The following VGLL4 variants were observed in gnomAD, a reference collection of about 807,000 sequenced individuals.
The protein encoded by VGLL4 is vestigial like family member 4.
In VGLL4, 7 loss-of-function variants were observed where a neutral mutation model predicts 21.0. That is an observed-to-expected ratio of 0.33 (90% CI 0.19 to 0.63). VGLL4 has a LOEUF of 0.63. Among genes scored for constraint, VGLL4 ranks in the 20% least tolerant of loss-of-function variants. The pLI, the probability that VGLL4 is intolerant of heterozygous loss-of-function variation, is 0.78. For missense variants in VGLL4, 394 were observed against 425.7 expected (o/e 0.93, Z 0.66); for synonymous variants, 222 against 173.2 (o/e 1.28, Z -2.21).
intron 3 of VGLL4, among the ~76,000 whole-genome samples, chr3:11,561,370 A>G (rs995448098): frequency 1.3e-5 from 2 of 152,154 alleles, no homozygotes; most frequent in Non-Finnish European, 2.9e-5. Flanking sequence ...AGGCTGGCTG[A>G]CTGGTATCAG....
At chr3:11,569,595 A>G (rs984867085) in intron 2 of VGLL4, among the ~76,000 whole-genome samples, 1 of 152,232 alleles carries the variant, frequency 6.6e-6, no homozygotes, top group Non-Finnish European at 1.5e-5. Flanking sequence ...AGGGCCAGTG[A>G]GTGGGCCGGG....
In VGLL4 at chr3:11,658,625, G is replaced by A. The variant is rs377068512; in HGVS notation, c.64+44346C>T. Among the ~76,000 whole-genome samples, 86 of 151,842 alleles carry A rather than the reference G, an allele frequency of 5.7e-4. 5 individuals carry two copies. The highest frequency in any genetic ancestry group is 2.0e-3 in the African/African-American group (82 of 41,320). On this transcript the variant is annotated intron_variant, in intron 2 of 5. Transcript: ENST00000273038. ...AGGACACAGAGGAAACAGAATACGCGAACTATTCCTGGATCTTTCCTTTTA... is the reference window on the plus strand; with the variant it reads ...AGGACACAGAGGAAACAGAATACGCAAACTATTCCTGGATCTTTCCTTTTA...
rs2076967164 is a variant in VGLL4, at chr3:11,719,716, G to C, written c.-14+678C>G. ...CGCCCTCGGTCACGCCCCTCACGGA[G>C]CAGGTGGGGGCTGAGCCAGGTGAGC... On this transcript the variant is annotated intron_variant, in intron 1 of 5. Transcript: ENST00000273038. The surrounding 1 kb of genome is among the most constrained non-coding windows in gnomAD (Gnocchi z 4.0). 1.8e-5 allele frequency: 1 copy of C among 55,634 alleles called. No individual in the cohort carries two copies. Among genetic ancestry groups the C allele is most frequent in the Non-Finnish European group, 3.4e-5 (1 of 29,472 alleles). The allele number at this position is 55,634 out of a possible 1,614,324, so 3.4% of individuals were successfully genotyped here. A position where few individuals can be genotyped will look rare whatever the true frequency, so the allele number is the denominator to read the frequency against.
At chr3:11,676,394 C>CAAAAAAAAAAAAAAAAA (rs1219773138) in intron 2 of VGLL4, among the ~76,000 whole-genome samples, 1 of 54,358 alleles carries the variant, frequency 1.8e-5, no homozygotes, top group African/African-American at 6.0e-5. Flanking sequence ...GACTCTGTCT[C>CAAAAAAAAAAAAAAAAA]AAAAAAAAAA....
chr3:11,610,421 C>T (rs185390295), intron 1 of VGLL4: 1 of 152,218 alleles, frequency 6.6e-6, no homozygotes, highest in Non-Finnish European at 1.5e-5. Context: ...AGATAAAAGC[C>T]GTGACGTGCT....
intron 2 of VGLL4, among the ~76,000 whole-genome samples, chr3:11,657,843 T>C (rs1409502618): frequency 1.3e-5 from 2 of 152,244 alleles, no homozygotes; most frequent in African/African-American, 4.8e-5. Context: ...TGATCCTAGA[T>C]GCAGTGATGC....
At chr3:11,689,079 T>C (rs1443337421) in intron 2 of VGLL4, among the ~76,000 whole-genome samples, 1 of 152,016 alleles carries the variant, frequency 6.6e-6, no homozygotes, top group Non-Finnish European at 1.5e-5. Flanking sequence ...GAGGAGATAC[T>C]GGTTAAAAAA....
chr3:11,658,398 G>T (rs2075986782), intron 2 of VGLL4, among the ~76,000 whole-genome samples: 1 of 152,018 alleles, frequency 6.6e-6, no homozygotes, highest in Middle Eastern at 3.4e-3. Context: ...TTTCTAGTTT[G>T]GTCTGGAACC....
intron 1 of VGLL4, chr3:11,604,547 G>A (rs1212974427): frequency 1.1e-6 from 1 of 937,440 alleles, no homozygotes; most frequent in Non-Finnish European, 1.3e-6. Context: ...TTAGACAAGA[G>A]TGGTAACTGT....
intron 2 of VGLL4, among the ~76,000 whole-genome samples, chr3:11,590,439 G>A (rs1021812154): frequency 6.6e-6 from 1 of 152,142 alleles, no homozygotes; most frequent in Non-Finnish European, 1.5e-5. Flanking sequence ...AAGAAGAAAG[G>A]CAAGAGGTAG....
At chr3:11,666,609 T>C (rs1380535507) in intron 2 of VGLL4, among the ~76,000 whole-genome samples, 1 of 152,182 alleles carries the variant, frequency 6.6e-6, no homozygotes, top group Non-Finnish European at 1.5e-5. Context: ...GTTTGAGATG[T>C]GAGAGAAACA....
chr3:11,558,452 CT>C lies in VGLL4; in HGVS notation c.*103del. On this transcript the variant is annotated 3_prime_UTR_variant, in exon 5 of 5. Transcript: ENST00000430365. ...TTTTTGCAAATAAACCATCCCTTCC[CT>C]TCCCCCCACCCCACCCCCATGATTT... The C allele has an allele frequency of 7.4e-7, 1 of 1,355,794 alleles. No individual in the cohort carries two copies. 84.0% of individuals were successfully genotyped at this position (1,355,794 alleles called of 1,614,324 possible).
intron 1 of VGLL4, among the ~76,000 whole-genome samples, chr3:11,620,443 G>A (rs927157459): frequency 6.6e-6 from 1 of 152,142 alleles, no homozygotes; most frequent in Non-Finnish European, 1.5e-5. Context: ...AGCAGCAAAA[G>A]GTGCCGGAGG....
At chr3:11,584,585 T>TATG (rs1254950300) in intron 2 of VGLL4, among the ~76,000 whole-genome samples, 2 of 152,076 alleles carry the variant, frequency 1.3e-5, no homozygotes, top group Non-Finnish European at 2.9e-5. Context: ...AGTGGGAATA[T>TATG]ATGAGATGGG....
chr3:11,582,469 G>A (rs1321386347), intron 2 of VGLL4: 3 of 1,161,656 alleles, frequency 2.6e-6, no homozygotes, highest in Non-Finnish European at 2.4e-6. Context: ...CCCCTGCACT[G>A]CAATAAAAGT....
At position 11,643,906 on chromosome 3, in the gene VGLL4, T is replaced by A. The variant is rs940325167; in HGVS notation, c.-388A>T. ...CCGCTGCAAGCCGGCAGCGCTGACA[T>A]GAGGGCTATGCTTGGCATGACTCCT... On this transcript the variant is annotated 5_prime_UTR_variant, in exon 1 of 5. An upstream start codon of the reference 5' UTR is lost. Transcript: ENST00000430365. The A allele has an allele frequency of 4.9e-6, 5 of 1,023,366 alleles. No homozygotes were observed. The highest frequency in any genetic ancestry group is 5.9e-6 in the Non-Finnish European group (5 of 853,306). 63.4% of individuals were successfully genotyped at this position (1,023,366 alleles called of 1,614,324 possible).
intron 2 of VGLL4, among the ~76,000 whole-genome samples, chr3:11,598,814 C>A (rs1469824370): frequency 6.6e-6 from 1 of 152,160 alleles, no homozygotes; most frequent in Non-Finnish European, 1.5e-5. Flanking sequence ...CAATAACACT[C>A]CTTTCCCCAG....
intron 2 of VGLL4, among the ~76,000 whole-genome samples, chr3:11,668,338 T>C (rs2076156959): frequency 6.6e-6 from 1 of 152,200 alleles, no homozygotes; most frequent in South Asian, 2.1e-4. Context: ...TCTAAATGCA[T>C]CATGCTTACT....
At chr3:11,650,273 C>T (rs1032634448) in intron 2 of VGLL4, among the ~76,000 whole-genome samples, 3 of 152,138 alleles carry the variant, frequency 2.0e-5, no homozygotes, top group Non-Finnish European at 4.4e-5. Context: ...GGTTGTGCCT[C>T]AGCATCTTTG....
Sources: allele counts gnomAD v4.1 joint callset (sites outside exome capture counted in the v4.1 genomes callset), GRCh38; gene constraint gnomAD v4.1.1; non-coding constraint Gnocchi (gnomAD v3.1); transcripts MANE v1.5; gene names NCBI Gene and HGNC (gene_info 2026-07-23, HGNC 2026-07-21).